Variants in ESCO1 observed in about 807,000 individuals in gnomAD.
ESCO1 encodes the protein N-acetyltransferase ESCO1.
Under a neutral mutation model 83.5 loss-of-function variants are expected in ESCO1, and 33 were observed. The observed-to-expected ratio is 0.40, with a 90% CI of 0.30 to 0.53. The LOEUF (loss-of-function observed/expected upper bound fraction) is 0.53. Ranked by LOEUF, ESCO1 falls within the 20% of genes least tolerant of loss-of-function variation. The pLI, the probability that ESCO1 is intolerant of heterozygous loss-of-function variation, is 0.63. For synonymous variants in ESCO1, 332 were observed against 324.3 expected (o/e 1.02, Z -0.25); for missense variants, 855 against 968.0 (o/e 0.88, Z 1.55).
chr18:21,542,768 A>G (rs553348675), intron 8 of ESCO1, among the ~76,000 whole-genome samples: 1 of 152,352 alleles, frequency 6.6e-6, no homozygotes, highest in East Asian at 1.9e-4. Context: ...CTCAAGACAT[A>G]TCTATGCCTC....
At chr18:21,588,219 T>C (rs983697559) in intron 1 of ESCO1, among the ~76,000 whole-genome samples, 1 of 151,208 alleles carries the variant, frequency 6.6e-6, no homozygotes. Flanking sequence ...AACAGACCAA[T>C]GGAAAAGATC....
chr18:21,584,170 G>A (rs970860197), intron 2 of ESCO1, 140 bp downstream of exon 2: 1 of 152,144 alleles, frequency 6.6e-6, no homozygotes, highest in Non-Finnish European at 1.5e-5. Flanking sequence ...TATACCCACT[G>A]AAATGTTTTA....
intron 8 of ESCO1, among the ~76,000 whole-genome samples, chr18:21,541,228 C>T (rs2037901727): frequency 6.6e-6 from 1 of 152,060 alleles, no homozygotes; most frequent in South Asian, 2.1e-4. Context: ...AAGAAAGGAG[C>T]AGAAACAATA....
intron 8 of ESCO1, among the ~76,000 whole-genome samples, chr18:21,546,553 GGTTTTT>G (rs1458970780): frequency 6.6e-6 from 1 of 151,996 alleles, no homozygotes; most frequent in African/African-American, 2.4e-5. Context: ...AGTAGGTTTT[GGTTTTT>G]GTTTTGAGAC....
chr18:21,595,684 C>T (rs1008767121), intron 1 of ESCO1, among the ~76,000 whole-genome samples: 7 of 122,274 alleles, frequency 5.7e-5, no homozygotes, highest in Non-Finnish European at 8.4e-5. Context: ...AAAAAATAGG[C>T]GGGGTGCGGT....
chr18:21,594,144 C>T (rs534461776), intron 1 of ESCO1, among the ~76,000 whole-genome samples: 1 of 152,310 alleles, frequency 6.6e-6, no homozygotes, highest in African/African-American at 2.4e-5. Context: ...AATGTCTCCT[C>T]AGAGGCAAAA....
rs35336026 is a variant in ESCO1, at chr18:21,594,925, CTGTGTGTG to C, written c.-825+5690_-825+5697del. The stretch of plus-strand genomic sequence containing the variant: ...GATGGGCTAAAATAGTCTACAACTA[CTGTGTGTG>C]TGTGTGTGTGTGTGTGTGTGTGTGT... On this transcript the variant is annotated intron_variant, in intron 1 of 11. Transcript: ENST00000269214. 2.4e-3 allele frequency among the ~76,000 whole-genome samples: 338 copies of C among 143,784 alleles called. 1 individual carries two copies. The highest frequency in any genetic ancestry group is 8.8e-3 in the East Asian group (42 of 4,762). The allele number at this position is 143,784 out of a possible 152,430, so 94.3% of individuals were successfully genotyped here. A position where few individuals can be genotyped will look rare whatever the true frequency, so the allele number is the denominator to read the frequency against.
chr18:21,561,686 C>T (rs2038187921), intron 7 of ESCO1, among the ~76,000 whole-genome samples: 1 of 152,108 alleles, frequency 6.6e-6, no homozygotes, highest in African/African-American at 2.4e-5. Flanking sequence ...CCTTGGCCTC[C>T]TAAAGTGCTA....
intron 4 of ESCO1, among the ~76,000 whole-genome samples, chr18:21,569,538 G>A (rs1340378499): frequency 1.3e-5 from 2 of 152,240 alleles, no homozygotes; most frequent in Non-Finnish European, 2.9e-5. Flanking sequence ...CTGAGGTCAG[G>A]AGTTCCAGGC....
chr18:21,554,712 T>C (rs1390925705), intron 8 of ESCO1, among the ~76,000 whole-genome samples: 3 of 151,996 alleles, frequency 2.0e-5, no homozygotes, highest in African/African-American at 7.2e-5. Context: ...AGTTCAAAAC[T>C]AGTCTGGCCA....
At chr18:21,540,650 G>A in intron 8 of ESCO1, 2 of 1,335,164 alleles carry the variant, frequency 1.5e-6, no homozygotes, top group South Asian at 2.4e-5. Flanking sequence ...AAAAAAGAGA[G>A]GTAATAAACT....
At position 21,561,265 on chromosome 18, in the gene ESCO1, A is replaced by C. The variant is rs2038182047; in HGVS notation, c.1822-275T>G. On this transcript the variant is annotated intron_variant, in intron 7 of 11. Coordinates refer to ENST00000269214, the MANE Select transcript of ESCO1 (RefSeq NM_052911.3). ...ATTACAAACTTAGTCCTAAAGCCCC[A>C]AATAGGAAATACTCTATGAATGAGA... Among the ~76,000 whole-genome samples, 2 of 152,210 alleles carry C rather than the reference A, an allele frequency of 1.3e-5. 1 individual carries two copies. Among genetic ancestry groups the C allele is most frequent in the South Asian group, 4.1e-4 (2 of 4,836 alleles).
intron 1 of ESCO1, among the ~76,000 whole-genome samples, chr18:21,587,193 G>C (rs1915079834): frequency 6.6e-6 from 1 of 152,296 alleles, no homozygotes; most frequent in Admixed American, 6.5e-5. Flanking sequence ...TTAATCTGTA[G>C]TTTTCTTGTG....
chr18:21,544,435 C>G (rs561966110), intron 8 of ESCO1, among the ~76,000 whole-genome samples: 1 of 148,876 alleles, frequency 6.7e-6, no homozygotes, highest in Non-Finnish European at 1.5e-5. Context: ...GGTGAAACCT[C>G]GTTTCTACTA....
intron 1 of ESCO1, among the ~76,000 whole-genome samples, chr18:21,588,770 G>A (rs2038618644): frequency 6.6e-6 from 1 of 151,384 alleles, no homozygotes; most frequent in Admixed American, 6.6e-5. Context: ...TACAAAAATA[G>A]CCGGGCATGG....
intron 2 of ESCO1, among the ~76,000 whole-genome samples, chr18:21,579,599 G>A (rs1189172232): frequency 2.6e-5 from 4 of 150,986 alleles, no homozygotes; most frequent in African/African-American, 9.7e-5. Context: ...GTGAAACCCT[G>A]TCTCTACTAA....
intron 8 of ESCO1, among the ~76,000 whole-genome samples, chr18:21,547,984 C>G (rs1283441005): frequency 6.6e-6 from 1 of 152,052 alleles, no homozygotes; most frequent in Non-Finnish European, 1.5e-5. Flanking sequence ...TGCCTGTAGT[C>G]CCAGCTACTC....
chr18:21,566,001 T>C lies in ESCO1; in HGVS notation c.1706+145A>G, dbSNP rs576966118. On this transcript the variant is annotated intron_variant, in intron 6 of 11. Transcript: ENST00000269214. ...GAAAAAATGTCCATAGTAAACAGTA[T>C]GTATAGGCATAGAAAAAGCTGTAAT... is the stretch of plus-strand genomic sequence containing the variant. The C allele has an allele frequency of 3.6e-4, 233 of 645,734 alleles. 4 individuals are homozygous for C. In the South Asian group the frequency reaches 3.7e-3, roughly 10 times the overall value. 40.0% of individuals were successfully genotyped at this position (645,734 alleles called of 1,614,324 possible).
At chr18:21,582,232 CTT>C (rs536091954) in intron 2 of ESCO1, among the ~76,000 whole-genome samples, 12 of 143,140 alleles carry the variant, frequency 8.4e-5, no homozygotes, top group African/African-American at 7.7e-5. Flanking sequence ...TATGGGAAAT[CTT>C]TTTTTTTTTT....
Sources: gnomAD v4.1 joint callset for allele counts (sites outside exome capture counted in the v4.1 genomes callset) on GRCh38, gnomAD v4.1.1 for gene constraint, MANE v1.5 for transcripts, NCBI Gene and HGNC (gene_info 2026-07-23, HGNC 2026-07-21) for gene names.